BANK1: variants seen among roughly 807,000 people sequenced by gnomAD.
BANK1 encodes B-cell scaffold protein with ankyrin repeats.
In BANK1, 95 loss-of-function variants were observed where a neutral mutation model predicts 94.5. That is an observed-to-expected ratio of 1.00 (90% CI 0.85 to 1.19). BANK1 has a LOEUF of 1.19. Among genes scored for constraint, BANK1 ranks in the 50% most tolerant of loss-of-function variants. BANK1 has a pLI of 0.00. For missense variants in BANK1, 987 were observed against 932.2 expected (o/e 1.06, Z -0.77); for synonymous variants, 334 against 308.4 (o/e 1.08, Z -0.87).
chr4:101,878,932 C>T (rs1370570286), intron 5 of BANK1, among the ~76,000 whole-genome samples: 1 of 151,468 alleles, frequency 6.6e-6, no homozygotes, highest in Non-Finnish European at 1.5e-5. Flanking sequence ...ATACCAAAAT[C>T]TATGAGATAC....
intron 6 of BANK1, among the ~76,000 whole-genome samples, chr4:101,911,956 A>G (rs958090381): frequency 3.9e-5 from 6 of 152,208 alleles, no homozygotes; most frequent in African/African-American, 9.6e-5. Flanking sequence ...AATAGTATCT[A>G]TTAGTAACTG....
At chr4:101,911,913 A>G (rs1190733407) in intron 6 of BANK1, among the ~76,000 whole-genome samples, 1 of 152,184 alleles carries the variant, frequency 6.6e-6, no homozygotes, top group Non-Finnish European at 1.5e-5. Context: ...AGTAATAAGC[A>G]TCTATAATTA....
At chr4:101,901,708 G>A (rs1372542404) in intron 6 of BANK1, among the ~76,000 whole-genome samples, 1 of 152,226 alleles carries the variant, frequency 6.6e-6, no homozygotes, top group Admixed American at 6.5e-5. Context: ...AAGCAAACAA[G>A]GCTTGAAAGC....
chr4:101,866,949 G>A lies in BANK1; in HGVS notation c.764-3556G>A, dbSNP rs1341974333. Among the ~76,000 whole-genome samples the A allele has an allele frequency of 6.4e-5, 4 of 62,598 alleles. 1 individual carries two copies. The allele number at this position is 62,598 out of a possible 152,430, so 41.1% of individuals were successfully genotyped here. A position where few individuals can be genotyped will look rare whatever the true frequency, so the allele number is the denominator to read the frequency against. On this transcript the variant is annotated intron_variant, in intron 4 of 16. Coordinates refer to ENST00000322953, the MANE Select transcript of BANK1 (RefSeq NM_017935.5). The stretch of plus-strand genomic sequence containing the variant: ...CAAACGCCGCATATTCTCACTCATA[G>A]GTGGGAATTGAACAATGAGATCACA...
intron 7 of BANK1, among the ~76,000 whole-genome samples, chr4:101,950,334 G>A (rs534406813): frequency 6.6e-6 from 1 of 152,160 alleles, no homozygotes; most frequent in Non-Finnish European, 1.5e-5. Context: ...GTGGGTAAAC[G>A]TTTGAAGAGT....
rs767484113 is a variant in BANK1 at position 101,918,125 on chromosome 4, A to AC, written c.1146dup (p.Ala383ArgfsTer5). The stretch of plus-strand genomic sequence containing the variant: ...AAGATGAAAAATATGGAGGGTTCAG[A>AC]CCCCGCACATATTGCTGAAAGGCAT... On this transcript the variant is annotated frameshift_variant, in exon 7 of 17. Coordinates refer to ENST00000322953, the MANE Select transcript of BANK1 (RefSeq NM_017935.5). LOFTEE classifies it high-confidence loss of function. 6.2e-7 allele frequency: 1 copy of AC among 1,610,198 alleles called. No homozygotes were observed. Among genetic ancestry groups the AC allele is most frequent in the South Asian group, 1.1e-5 (1 of 90,534 alleles).
At chr4:101,922,134 T>G (rs1723022231) in intron 7 of BANK1, among the ~76,000 whole-genome samples, 1 of 151,638 alleles carries the variant, frequency 6.6e-6, no homozygotes, top group East Asian at 2.0e-4. Context: ...GGCTTGGGTT[T>G]AAAATACAGG....
chr4:101,820,467 C>T (rs1397776296), intron 1 of BANK1, among the ~76,000 whole-genome samples: 1 of 151,986 alleles, frequency 6.6e-6, no homozygotes, highest in Admixed American at 6.6e-5. Context: ...TAAAAATGTT[C>T]CTTTTTTAAA....
At chr4:101,864,916 G>A (rs1261700402) in intron 4 of BANK1, among the ~76,000 whole-genome samples, 1 of 152,096 alleles carries the variant, frequency 6.6e-6, no homozygotes, top group Non-Finnish European at 1.5e-5. Context: ...CTGAAATGAG[G>A]ATCTTTAAGG....
At chr4:101,988,108 A>C (rs1483602789) in intron 7 of BANK1, among the ~76,000 whole-genome samples, 1 of 152,188 alleles carries the variant, frequency 6.6e-6, no homozygotes, top group African/African-American at 2.4e-5. Flanking sequence ...GGTTGCTACC[A>C]AAACCGAGCT....
intron 7 of BANK1, among the ~76,000 whole-genome samples, chr4:101,960,212 G>C (rs1010931917): frequency 6.6e-6 from 1 of 152,064 alleles, no homozygotes; most frequent in Non-Finnish European, 1.5e-5. Context: ...GGACCCCTGG[G>C]TGCACAGCAC....
intron 7 of BANK1, among the ~76,000 whole-genome samples, chr4:101,940,026 T>G (rs1453133481): frequency 6.6e-6 from 1 of 151,750 alleles, no homozygotes; most frequent in Non-Finnish European, 1.5e-5. Flanking sequence ...GATGCATCCA[T>G]AAACCAAACT....
chr4:102,028,443 ATC>A lies in BANK1; in HGVS notation c.1595-1515_1595-1514del, dbSNP rs1208229867. ...AGAGTTAAGACTCTGTTGGGAGATT[ATC>A]TTAATCTCGCCTCATAATCTTACCC... On this transcript the variant is annotated intron_variant, in intron 9 of 16. Coordinates refer to ENST00000322953, the MANE Select transcript of BANK1 (RefSeq NM_017935.5). Among the ~76,000 whole-genome samples, 2 of 152,208 alleles carry A rather than the reference ATC, an allele frequency of 1.3e-5. 1 individual carries two copies. Among genetic ancestry groups the A allele is most frequent in the South Asian group, 4.1e-4 (2 of 4,820 alleles).
intron 2 of BANK1, among the ~76,000 whole-genome samples, chr4:101,851,943 G>A: frequency 6.6e-6 from 1 of 152,106 alleles, no homozygotes; most frequent in East Asian, 1.9e-4. Flanking sequence ...CTTTGTCCCA[G>A]GACCTTCTTC....
intron 7 of BANK1, among the ~76,000 whole-genome samples, chr4:101,986,899 GTATATATATATATA>G (rs1166018412): frequency 2.4e-5 from 2 of 82,654 alleles, no homozygotes; most frequent in African/African-American, 6.4e-5. Context: ...GTGTGTGTGT[GTATATATATATATA>G]TATATATATA....
intron 7 of BANK1, among the ~76,000 whole-genome samples, chr4:101,923,099 G>T (rs948123473): frequency 6.6e-6 from 1 of 151,664 alleles, no homozygotes; most frequent in Non-Finnish European, 1.5e-5. Context: ...TCCTCATAGA[G>T]CACTTTAGGA....
At chr4:102,020,648 T>C (rs747896819) in intron 7 of BANK1, among the ~76,000 whole-genome samples, 1 of 152,140 alleles carries the variant, frequency 6.6e-6, no homozygotes, top group Non-Finnish European at 1.5e-5. Flanking sequence ...AATTTCAAAA[T>C]GCTTTAATAT....
intron 5 of BANK1, among the ~76,000 whole-genome samples, chr4:101,875,266 C>A (rs1232777475): frequency 1.3e-5 from 2 of 152,074 alleles, no homozygotes; most frequent in African/African-American, 2.4e-5. Context: ...GGCATTGAAC[C>A]CTGAGCTGCC....
intron 7 of BANK1, among the ~76,000 whole-genome samples, chr4:101,926,482 G>C (rs1723156175): frequency 6.6e-6 from 1 of 151,650 alleles, no homozygotes; most frequent in Non-Finnish European, 1.5e-5. Context: ...CTCCATTTTA[G>C]TTTAACAAAT....
Sources: gnomAD v4.1 joint callset for allele counts (sites outside exome capture counted in the v4.1 genomes callset) on GRCh38, gnomAD v4.1.1 for gene constraint, MANE v1.5 for transcripts, NCBI Gene and HGNC (gene_info 2026-07-23, HGNC 2026-07-21) for gene names.